The following KCTD19 variants were observed in gnomAD, a reference collection of about 807,000 sequenced individuals.
KCTD19 encodes the protein potassium channel tetramerization domain containing 19.
Under a neutral mutation model 103.5 loss-of-function variants are expected in KCTD19, and 67 were observed. That is an observed-to-expected ratio of 0.65 (90% CI 0.53 to 0.79). The LOEUF (loss-of-function observed/expected upper bound fraction) is 0.79. Ranked by LOEUF, KCTD19 falls within the 30% of genes least tolerant of loss-of-function variation. KCTD19 has a pLI of 0.00. For missense variants in KCTD19, 980 were observed against 1,136.1 expected (o/e 0.86, Z 1.98); for synonymous variants, 439 against 452.2 (o/e 0.97, Z 0.37).
chr16:67,319,227 G>GA (rs941399154), intron 2 of KCTD19, among the ~76,000 whole-genome samples: 200 of 104,528 alleles, frequency 1.9e-3, no homozygotes, highest in Middle Eastern at 5.1e-3. Context: ...CCATCTCGAA[G>GA]AAAAAAAAAA....
At chr16:67,298,768 G>C (rs1415545878) in intron 6 of KCTD19, among the ~76,000 whole-genome samples, 1 of 152,212 alleles carries the variant, frequency 6.6e-6, no homozygotes, top group African/African-American at 2.4e-5. Flanking sequence ...AGTCTGTTTT[G>C]TGACCCTCAG....
Position 67,299,348 on chromosome 16 carries a change from T to A in KCTD19, c.986+15A>T, listed in dbSNP as rs777099428. On this transcript the variant is annotated intron_variant, in intron 6 of 15. Transcript: ENST00000304372. Reference sequence around the variant, plus strand: ...AAGGGTGATGGGACTCAGTGTGCCCTAAGGAGGACCTCACTTGACGTGCTG... The same window carrying A: ...AAGGGTGATGGGACTCAGTGTGCCCAAAGGAGGACCTCACTTGACGTGCTG... 8 of 1,613,360 alleles carry A rather than the reference T, an allele frequency of 5.0e-6. No individual in the cohort carries two copies. Among genetic ancestry groups the A allele is most frequent in the Admixed American group, 1.7e-5 (1 of 60,012 alleles).
At chr16:67,315,270 G>A (rs938025567) in intron 2 of KCTD19, among the ~76,000 whole-genome samples, 4 of 151,610 alleles carry the variant, frequency 2.6e-5, no homozygotes, top group Admixed American at 6.6e-5. Flanking sequence ...GTGGGCCAAC[G>A]AGCCACTATA....
Position 67,320,791 on chromosome 16 carries a change from TGAGA to T in KCTD19, c.94_97del (p.Gln33PhefsTer13), listed in dbSNP as rs2037064784. On this transcript the variant is annotated frameshift_variant, in exon 2 of 16. Transcript: ENST00000304372. LOFTEE classifies it high-confidence loss of function. This position sits in a 1 kb window ranked among gnomAD's most constrained non-coding sequence, Gnocchi z 4.0. ...TTTCCACAGCAGGGAGTCTGGAAACTGAGAGAGTTTGCTTCTGGGAACTGAGAAA... is the reference window on the plus strand; with the variant it reads ...TTTCCACAGCAGGGAGTCTGGAAACTGAGTTTGCTTCTGGGAACTGAGAAA... 2 of 1,614,054 alleles carry T rather than the reference TGAGA, an allele frequency of 1.2e-6. No homozygotes were observed. Among genetic ancestry groups the T allele is most frequent in the Non-Finnish European group, 1.7e-6 (2 of 1,180,042 alleles).
At chr16:67,319,059 C>A (rs1032148342) in intron 2 of KCTD19, among the ~76,000 whole-genome samples, 6 of 151,938 alleles carry the variant, frequency 3.9e-5, no homozygotes, top group Non-Finnish European at 5.9e-5. Context: ...CCCGTCTCTA[C>A]TACAAATACA....
At chr16:67,319,420 T>C (rs2037048011) in intron 2 of KCTD19, among the ~76,000 whole-genome samples, 1 of 152,114 alleles carries the variant, frequency 6.6e-6, no homozygotes, top group African/African-American at 2.4e-5. Context: ...TACACTGAGC[T>C]ACACTGCAGC....
At position 67,296,144 on chromosome 16, in the gene KCTD19, C is replaced by G; in HGVS notation, c.1248+15G>C. The G allele has an allele frequency of 6.5e-7, 1 of 1,537,456 alleles. No individual in the cohort carries two copies. Among genetic ancestry groups the G allele is most frequent in the Non-Finnish European group, 9.0e-7 (1 of 1,110,076 alleles). On this transcript the variant is annotated intron_variant, in intron 8 of 15. Coordinates refer to ENST00000304372, the MANE Select transcript of KCTD19 (RefSeq NM_001100915.3). ...GATGCCAGATGGGGAGCAGGGCAGC[C>G]GAGGCCGTCAGTACCTTCAGCAGTG...
Position 67,304,468 on chromosome 16 carries a change from C to A in KCTD19, c.404G>T (p.Cys135Phe). The A allele has an allele frequency of 6.2e-7, 1 of 1,614,098 alleles. No individual in the cohort carries two copies. Among genetic ancestry groups the A allele is most frequent in the Non-Finnish European group, 8.5e-7 (1 of 1,179,976 alleles). The change falls in exon 3 of 16, where the codon TGT becomes TTT. Residue 135 changes from cysteine to phenylalanine, a missense_variant. Physicochemically the swap from Cys to Phe is radical, Grantham distance 205. Coordinates refer to ENST00000304372, the MANE Select transcript of KCTD19 (RefSeq NM_001100915.3). ...ASLNYWRTWK[C>F]ISKPSEFPIK... ...TGGAAATTCTGAGGGTTTGCTAATA[C>A]ACTTCCATGTACGCCAGTAGTTCAG...
rs570940428 is a variant in KCTD19 at position 67,325,183 on chromosome 16, TTTTTTTTCTTTTTTTC to T, written c.3+1506_3+1521del. 6.9e-5 allele frequency among the ~76,000 whole-genome samples: 10 copies of T among 143,898 alleles called. No individual in the cohort carries two copies. The East Asian group carries it at 7.8e-4, about 11-fold the overall frequency. 94.4% of individuals were successfully genotyped at this position (143,898 alleles called of 152,430 possible). ...TCTCAGTTCCTCTTTTCTTTCTTTC[TTTTTTTTCTTTTTTTC>T]TTTTTTTCTTTTTTTTTTTTTTTGA... On this transcript the variant is annotated intron_variant, in intron 1 of 15. Transcript: ENST00000304372.
At position 67,293,737 on chromosome 16, in the gene KCTD19, C is replaced by T; in HGVS notation, c.2025G>A (p.Glu675=). 6.2e-7 allele frequency: 1 copy of T among 1,614,062 alleles called. No homozygotes were observed. The stretch of plus-strand genomic sequence containing the variant: ...CTGAGGTGCTGGGCTGGGAAGCAGC[C>T]TCGCTTCCCAAGGGGAGCTGCAGGG... ...EATLQLPLGS[E]AASQPSTSAA... The change falls in exon 12 of 16, where the codon GAG becomes GAA. Residue 675 remains glutamate, a synonymous_variant. Coordinates refer to ENST00000304372, the MANE Select transcript of KCTD19 (RefSeq NM_001100915.3). The surrounding 1 kb of genome is among the most constrained non-coding windows in gnomAD (Gnocchi z 4.0).
intron 12 of KCTD19, among the ~76,000 whole-genome samples, chr16:67,292,977 G>C (rs1450386245): frequency 6.6e-6 from 1 of 152,072 alleles, no homozygotes; most frequent in Non-Finnish European, 1.5e-5. Context: ...CCCTAGCCTA[G>C]AAAGAACTCC....
intron 15 of KCTD19, 84 bp downstream of exon 15, chr16:67,290,801 C>A: frequency 7.8e-7 from 1 of 1,277,672 alleles, no homozygotes; most frequent in Non-Finnish European, 1.1e-6. Flanking sequence ...GCAGTGCTGG[C>A]CCAGCCCTGG....
rs868226450 is a variant in KCTD19, at chr16:67,320,601, C to A, written c.288G>T (p.Met96Ile). 6.2e-7 allele frequency: 1 copy of A among 1,613,764 alleles called. No individual in the cohort carries two copies. Among genetic ancestry groups the A allele is most frequent in the African/African-American group, 1.3e-5 (1 of 75,052 alleles). ...LYEQALGLQLMPLLQTLDNLK... is the reference protein window; with the variant it reads ...LYEQALGLQLIPLLQTLDNLK... ...AAGAGCATCTTACCTGCAGCAAAGGCATCAGCTGCAAACCCAATGCTTGCT... is the reference window on the plus strand; with the variant it reads ...AAGAGCATCTTACCTGCAGCAAAGGAATCAGCTGCAAACCCAATGCTTGCT... The change falls in exon 2 of 16, where the codon ATG becomes ATT. Residue 96 changes from methionine to isoleucine, a missense_variant. Met to Ile is a conservative substitution (Grantham distance 10). Coordinates refer to ENST00000304372, the MANE Select transcript of KCTD19 (RefSeq NM_001100915.3). This position sits in a 1 kb window ranked among gnomAD's most constrained non-coding sequence, Gnocchi z 4.0.
intron 1 of KCTD19, among the ~76,000 whole-genome samples, chr16:67,325,426 T>C (rs2037138178): frequency 1.4e-5 from 2 of 145,684 alleles, no homozygotes; most frequent in Admixed American, 1.3e-4. Flanking sequence ...GTATTTTTAG[T>C]AGAGATGGGG....
intron 2 of KCTD19, among the ~76,000 whole-genome samples, chr16:67,313,826 T>C (rs1205737584): frequency 1.3e-5 from 2 of 151,690 alleles, no homozygotes; most frequent in African/African-American, 2.4e-5. Flanking sequence ...CCCAAAGTGC[T>C]GGGATTACAG....
rs915572100 is a variant in KCTD19, at chr16:67,304,602, A to G, written c.301-31T>C. 2.5e-6 allele frequency: 4 copies of G among 1,580,442 alleles called. No individual in the cohort carries two copies. The African/African-American group carries it at 5.4e-5, about 21-fold the overall frequency. ...AGATAATGAAGAGTACTATCTTGAG[A>G]ATCTAAACCAAGTAACTATGTACCA... On this transcript the variant is annotated intron_variant, in intron 2 of 15. Coordinates refer to ENST00000304372, the MANE Select transcript of KCTD19 (RefSeq NM_001100915.3).
At chr16:67,313,382 T>A (rs1322011989) in intron 2 of KCTD19, among the ~76,000 whole-genome samples, 2 of 152,152 alleles carry the variant, frequency 1.3e-5, no homozygotes, top group Admixed American at 1.3e-4. Context: ...AGTGTTAGGA[T>A]TACAGGCGTG....
At position 67,289,471 on chromosome 16, in the gene KCTD19, C is replaced by T; in HGVS notation, c.*98G>A. On this transcript the variant is annotated 3_prime_UTR_variant, in exon 16 of 16. Coordinates refer to ENST00000304372, the MANE Select transcript of KCTD19 (RefSeq NM_001100915.3). ...TTATTTGTTTATAATAAAAAATAGA[C>T]TGATATGTACCCTCTGATGGGCACA... The T allele has an allele frequency of 1.6e-6, 1 of 637,992 alleles. No homozygotes were observed. The highest frequency in any genetic ancestry group is 1.8e-5 in the African/African-American group (1 of 54,260). 39.5% of individuals were successfully genotyped at this position (637,992 alleles called of 1,614,324 possible). A position where few individuals can be genotyped will look rare whatever the true frequency, so the allele number is the denominator to read the frequency against.
chr16:67,293,470 C>A lies in KCTD19; in HGVS notation c.2218+74G>T. The A allele has an allele frequency of 6.6e-7, 1 of 1,521,168 alleles. No individual in the cohort carries two copies. 94.2% of individuals were successfully genotyped at this position (1,521,168 alleles called of 1,614,324 possible). A position where few individuals can be genotyped will look rare whatever the true frequency, so the allele number is the denominator to read the frequency against. On this transcript the variant is annotated intron_variant, in intron 12 of 15. Coordinates refer to ENST00000304372, the MANE Select transcript of KCTD19 (RefSeq NM_001100915.3). This position sits in a 1 kb window ranked among gnomAD's most constrained non-coding sequence, Gnocchi z 4.0. Reference sequence around the variant, plus strand: ...CTAGTCCTCCTTTGTCACTAACTTGCTCTGCCATCTTGGCCAAAGAGTTTG... The same window carrying A: ...CTAGTCCTCCTTTGTCACTAACTTGATCTGCCATCTTGGCCAAAGAGTTTG...
Sources: allele counts gnomAD v4.1 joint callset (sites outside exome capture counted in the v4.1 genomes callset), GRCh38; gene constraint gnomAD v4.1.1; non-coding constraint Gnocchi (gnomAD v3.1); transcripts MANE v1.5; gene names NCBI Gene and HGNC (gene_info 2026-07-23, HGNC 2026-07-21).